The following MGAT4C variants were observed in gnomAD, a reference collection of about 807,000 sequenced individuals.
MGAT4C encodes the protein alpha-1,3-mannosyl-glycoprotein 4-beta-N-acetylglucosaminyltransferase C.
In MGAT4C, 19 loss-of-function variants were observed where a neutral mutation model predicts 40.1. That is an observed-to-expected ratio of 0.47 (90% CI 0.33 to 0.70). The LOEUF (loss-of-function observed/expected upper bound fraction) is 0.70. Ranked by LOEUF, MGAT4C falls within the 30% of genes least tolerant of loss-of-function variation. The pLI is 0.02. For missense variants in MGAT4C, 491 were observed against 563.2 expected, an observed-to-expected ratio of 0.87 and a Z score of 1.30; for synonymous variants, 181 against 187.1, an observed-to-expected ratio of 0.97 and a Z score of 0.27.
chr12:86,530,134 G>A (rs1958955393), intron 2 of MGAT4C, among the ~76,000 whole-genome samples: 1 of 151,846 alleles, frequency 6.6e-6, no homozygotes, highest in Admixed American at 6.6e-5. Flanking sequence ...TTATATAGCT[G>A]TCTATTAAAA....
At chr12:86,663,956 C>T (rs1291224395) in intron 2 of MGAT4C, among the ~76,000 whole-genome samples, 1 of 152,128 alleles carries the variant, frequency 6.6e-6, no homozygotes, top group Admixed American at 6.5e-5. Flanking sequence ...TTCTGTATTT[C>T]TTTTAATCAG....
At chr12:86,301,596 T>C (rs1357234213) in intron 4 of MGAT4C, among the ~76,000 whole-genome samples, 6 of 152,208 alleles carry the variant, frequency 3.9e-5, no homozygotes, top group Non-Finnish European at 2.9e-5. Flanking sequence ...GATTTTGTTG[T>C]TGTTGTTTTG....
At chr12:86,801,774 A>C (rs1435080355) in intron 1 of MGAT4C, among the ~76,000 whole-genome samples, 1 of 143,778 alleles carries the variant, frequency 7.0e-6, no homozygotes, top group African/African-American at 2.4e-5. Flanking sequence ...TCAATTTCTT[A>C]ATACTTACAA....
intron 1 of MGAT4C, among the ~76,000 whole-genome samples, chr12:86,814,136 T>G (rs1220089292): frequency 2.0e-5 from 3 of 151,858 alleles, no homozygotes. Flanking sequence ...GGTCACAAAC[T>G]CCTGACCTCA....
At chr12:86,283,153 T>C (rs1365272640) in intron 4 of MGAT4C, among the ~76,000 whole-genome samples, 1 of 151,868 alleles carries the variant, frequency 6.6e-6, no homozygotes, top group East Asian at 1.9e-4. Flanking sequence ...GAGAGCACTA[T>C]GCTTTTCTTG....
At chr12:86,663,668 G>A (rs762705161) in intron 2 of MGAT4C, among the ~76,000 whole-genome samples, 6 of 152,238 alleles carry the variant, frequency 3.9e-5, no homozygotes, top group Admixed American at 2.0e-4. Context: ...AAATGTGATG[G>A]TCACTGGTGG....
At chr12:86,779,508 G>C (rs2136180448) in intron 1 of MGAT4C, among the ~76,000 whole-genome samples, 1 of 151,974 alleles carries the variant, frequency 6.6e-6, no homozygotes, top group African/African-American at 2.4e-5. Flanking sequence ...AAGTGGAGGT[G>C]AGAGGGTTGC....
intron 2 of MGAT4C, among the ~76,000 whole-genome samples, chr12:86,622,339 A>G (rs979296484): frequency 1.3e-5 from 2 of 152,182 alleles, no homozygotes; most frequent in African/African-American, 4.8e-5. Context: ...TCTGTATTCA[A>G]GCAGAGGATT....
At chr12:86,533,362 T>C (rs1202836118) in intron 2 of MGAT4C, among the ~76,000 whole-genome samples, 1 of 152,042 alleles carries the variant, frequency 6.6e-6, no homozygotes, top group Non-Finnish European at 1.5e-5. Flanking sequence ...GCTTAAAATA[T>C]AGCCCATTCT....
intron 4 of MGAT4C, among the ~76,000 whole-genome samples, chr12:86,321,646 C>CT (rs1445878344): frequency 2.6e-5 from 4 of 151,828 alleles, no homozygotes; most frequent in South Asian, 2.1e-4. Context: ...TCAAGTTATA[C>CT]TTTTTTAAAA....
intron 1 of MGAT4C, among the ~76,000 whole-genome samples, chr12:86,734,556 G>T (rs1424666723): frequency 6.6e-6 from 1 of 151,970 alleles, no homozygotes; most frequent in East Asian, 1.9e-4. Flanking sequence ...ATGTCTTCAG[G>T]TGGTGCCCAC....
intron 4 of MGAT4C, among the ~76,000 whole-genome samples, chr12:86,270,126 G>A (rs1952905523): frequency 6.6e-6 from 1 of 152,006 alleles, no homozygotes; most frequent in South Asian, 2.1e-4. Context: ...GAGTGCAGTG[G>A]CATGATCGCG....
intron 1 of MGAT4C, among the ~76,000 whole-genome samples, chr12:86,768,958 G>T (rs1395249715): frequency 3.3e-5 from 5 of 151,832 alleles, no homozygotes; most frequent in African/African-American, 1.2e-4. Flanking sequence ...ATAGGCATGG[G>T]CAAGGACTTC....
At chr12:86,835,555 G>C (rs1433063173) in intron 1 of MGAT4C, among the ~76,000 whole-genome samples, 1 of 151,926 alleles carries the variant, frequency 6.6e-6, no homozygotes, top group Non-Finnish European at 1.5e-5. Context: ...TAATGAGCAA[G>C]AGGATTTATT....
At chr12:86,816,585 C>T (rs886946697) in intron 1 of MGAT4C, among the ~76,000 whole-genome samples, 13 of 151,468 alleles carry the variant, frequency 8.6e-5, no homozygotes, top group African/African-American at 3.1e-4. Flanking sequence ...TTTTTTAATA[C>T]ATTCTGGTTA....
At chr12:86,310,452 T>G (rs138585398) in intron 4 of MGAT4C, among the ~76,000 whole-genome samples, 2 of 152,218 alleles carry the variant, frequency 1.3e-5, no homozygotes, top group African/African-American at 4.8e-5. Flanking sequence ...TTGTCCAGTA[T>G]TGATAGTATT....
intron 2 of MGAT4C, among the ~76,000 whole-genome samples, chr12:86,445,102 T>C (rs968296101): frequency 2.6e-5 from 4 of 152,174 alleles, no homozygotes; most frequent in African/African-American, 9.7e-5. Context: ...GTTCATTATT[T>C]TGATTGTCAT....
At chr12:86,603,861 G>C (rs1961943223) in intron 2 of MGAT4C, among the ~76,000 whole-genome samples, 1 of 143,590 alleles carries the variant, frequency 7.0e-6, no homozygotes, top group Non-Finnish European at 1.5e-5. Flanking sequence ...TTTGAAATTT[G>C]CGAAGAGAGT....
chr12:86,805,956 C>T (rs1460617747), intron 1 of MGAT4C, among the ~76,000 whole-genome samples: 3 of 151,656 alleles, frequency 2.0e-5, no homozygotes, highest in Admixed American at 2.0e-4. Context: ...GATTTGCATT[C>T]TCTGATGATT....
Sources: allele counts gnomAD v4.1 joint callset (sites outside exome capture counted in the v4.1 genomes callset), GRCh38; gene constraint gnomAD v4.1.1; transcripts MANE v1.5; gene names NCBI Gene and HGNC (gene_info 2026-07-23, HGNC 2026-07-21).